The following DPY19L2 variants were observed in gnomAD, a reference collection of about 807,000 sequenced individuals.
The protein encoded by DPY19L2 is dpy-19 like 2, also known as probable C-mannosyltransferase DPY19L2.
Under a neutral mutation model 97.9 loss-of-function variants are expected in DPY19L2, and 34 were observed. The ratio of observed to expected loss-of-function variants is 0.35; its 90% CI spans 0.26 to 0.46. DPY19L2 has a LOEUF of 0.46. Ranked by LOEUF, DPY19L2 falls within the 20% of genes least tolerant of loss-of-function variation. The pLI is 1.00. For missense variants in DPY19L2, 623 were observed against 911.4 expected (o/e 0.68, Z 4.07); for synonymous variants, 230 against 307.9 (o/e 0.75, Z 2.65).
chr12:63,643,159 A>C (rs1892936020), intron 6 of DPY19L2, among the ~76,000 whole-genome samples: 1 of 151,876 alleles, frequency 6.6e-6, no homozygotes, highest in African/African-American at 2.4e-5. Context: ...GTATCCATAA[A>C]CTTTTAAAAT....
intron 10 of DPY19L2, 72 bp downstream of exon 10, chr12:63,618,079 C>G: frequency 3.0e-6 from 4 of 1,331,132 alleles, no homozygotes; most frequent in Non-Finnish European, 4.1e-6. Flanking sequence ...CCGTATAAAA[C>G]AGAATCACTT....
chr12:63,609,888 T>C (rs1886661832), intron 11 of DPY19L2, among the ~76,000 whole-genome samples: 1 of 152,100 alleles, frequency 6.6e-6, no homozygotes, highest in Non-Finnish European at 1.5e-5. Context: ...TGAGCCAGGA[T>C]TACTAAACTT....
At chr12:63,620,007 A>G in intron 9 of DPY19L2, 1 of 455,164 alleles carries the variant, frequency 2.2e-6, no homozygotes, top group Non-Finnish European at 4.4e-6. Context: ...GCACCAATTG[A>G]GCTGGGGTTA....
At chr12:63,649,867 T>TA (rs1565839511) in intron 4 of DPY19L2, among the ~76,000 whole-genome samples, 1 of 152,042 alleles carries the variant, frequency 6.6e-6, no homozygotes, top group East Asian at 1.9e-4. Flanking sequence ...AGCCACAATG[T>TA]AAAAAAGAAA....
chr12:63,579,712 T>C (rs937548692), intron 19 of DPY19L2, among the ~76,000 whole-genome samples: 27 of 151,986 alleles, frequency 1.8e-4, no homozygotes, highest in Non-Finnish European at 3.8e-4. Flanking sequence ...AAAAAGTCAG[T>C]TGGGGATTAC....
At chr12:63,626,836 T>C (rs1889632053) in intron 6 of DPY19L2, among the ~76,000 whole-genome samples, 2 of 152,208 alleles carry the variant, frequency 1.3e-5, no homozygotes, top group Non-Finnish European at 2.9e-5. Context: ...TGGAGTGCAG[T>C]GTCGAAATCT....
intron 14 of DPY19L2, among the ~76,000 whole-genome samples, chr12:63,596,732 G>A (rs1189398972): frequency 1.3e-5 from 2 of 152,010 alleles, no homozygotes. Context: ...ATTACACAAG[G>A]AATAATCAAT....
At chr12:63,610,593 T>C (rs1886775770) in intron 11 of DPY19L2, among the ~76,000 whole-genome samples, 6 of 151,136 alleles carry the variant, frequency 4.0e-5, no homozygotes. Flanking sequence ...AACAGATCTA[T>C]AACTAATAAG....
rs1883817124 is a variant in DPY19L2, at chr12:63,594,528, GTGTGTATGTGTGTA to G, written c.1534-409_1534-396del. On this transcript the variant is annotated intron_variant, in intron 15 of 21. Transcript: ENST00000324472. ...GCCGGCTACAGGGATTTGTGTGTGT[GTGTGTATGTGTGTA>G]TGTGTGTATGAAACCTGGCTAGCTG... Among the ~76,000 whole-genome samples the G allele has an allele frequency of 9.6e-5, 11 of 114,632 alleles. No individual in the cohort carries two copies. The Admixed American group carries it at 9.6e-4, about 10-fold the overall frequency. The allele number at this position is 114,632 out of a possible 152,430, so 75.2% of individuals were successfully genotyped here.
intron 19 of DPY19L2, among the ~76,000 whole-genome samples, chr12:63,579,742 C>T (rs1465148111): frequency 1.3e-5 from 2 of 152,120 alleles, no homozygotes; most frequent in African/African-American, 4.8e-5. Flanking sequence ...TCTAATTAAA[C>T]TGGCTTGGCA....
intron 16 of DPY19L2, among the ~76,000 whole-genome samples, chr12:63,589,677 A>AG (rs138568980): frequency 0.024 from 3,597 of 152,290 alleles, 73 homozygotes; most frequent in Middle Eastern, 0.061. Context: ...AAGTGTTCTA[A>AG]GCAACATATG....
chr12:63,626,133 G>A (rs1889499035), intron 7 of DPY19L2, among the ~76,000 whole-genome samples: 1 of 151,408 alleles, frequency 6.6e-6, no homozygotes, highest in Non-Finnish European at 1.5e-5. Context: ...CTTGTATGGT[G>A]AGGCTACCAC....
At chr12:63,650,485 A>G (rs1450778794) in intron 4 of DPY19L2, among the ~76,000 whole-genome samples, 1 of 152,196 alleles carries the variant, frequency 6.6e-6, no homozygotes, top group African/African-American at 2.4e-5. Context: ...TTCCGGATGT[A>G]AAATCAATGT....
chr12:63,665,476 A>AC (rs1324039389), intron 2 of DPY19L2, among the ~76,000 whole-genome samples: 3 of 151,932 alleles, frequency 2.0e-5, no homozygotes, highest in Non-Finnish European at 4.4e-5. Flanking sequence ...CTGTCTCAAA[A>AC]AAAAAAAAAA....
At chr12:63,577,298 A>T (rs1466237653) in intron 19 of DPY19L2, among the ~76,000 whole-genome samples, 1 of 152,128 alleles carries the variant, frequency 6.6e-6, no homozygotes, top group East Asian at 1.9e-4. Context: ...AATGGATTAA[A>T]GCCTTAAATC....
At position 63,663,845 on chromosome 12, in the gene DPY19L2, C is replaced by A; in HGVS notation, c.363G>T (p.Trp121Cys). ...TTTCAAAAAGTGTTACTAAATGTAA[C>A]CTAGAAAAAAATGAAGTATCATATT... ...GIAVFVAILHWLHLVTLFEND... is the reference protein window; with the variant it reads ...GIAVFVAILHCLHLVTLFEND... The change falls in exon 3 of 22, where the codon TGG becomes TGT. Residue 121 changes from tryptophan (W) to cysteine (C), a missense_variant and splice_region_variant. This residue lies in a region of DPY19L2 where 84 missense variants were observed against 125.4 expected (regional missense o/e 0.67). Transcript: ENST00000324472. The A allele has an allele frequency of 6.3e-7, 1 of 1,587,736 alleles. No homozygotes were observed. Among genetic ancestry groups the A allele is most frequent in the South Asian group, 1.2e-5 (1 of 85,146 alleles).
At chr12:63,591,021 T>A in intron 16 of DPY19L2, 1 of 455,104 alleles carries the variant, frequency 2.2e-6, no homozygotes. Flanking sequence ...TATTATCCAA[T>A]TAAATATCCC....
In DPY19L2 at chr12:63,662,212, GC is replaced by G. The variant is rs1895768047; in HGVS notation, c.451-732del. ...AAGAAATTCCCCAACACAATTTCTT[GC>G]TTTCACTCCTAAAATCTAAAAGCAA... On this transcript the variant is annotated intron_variant, in intron 3 of 21. Transcript: ENST00000324472. Among the ~76,000 whole-genome samples the G allele has an allele frequency of 1.3e-5, 2 of 152,074 alleles. 1 individual carries two copies. Among genetic ancestry groups the G allele is most frequent in the Admixed American group, 1.3e-4 (2 of 15,264 alleles).
intron 6 of DPY19L2, among the ~76,000 whole-genome samples, chr12:63,637,536 A>C (rs1308383125): frequency 3.3e-5 from 5 of 152,148 alleles, no homozygotes; most frequent in Non-Finnish European, 7.4e-5. Context: ...GGATATCACC[A>C]CCGATTACTC....
Sources: gnomAD v4.1 joint callset for allele counts (sites outside exome capture counted in the v4.1 genomes callset) on GRCh38, gnomAD v4.1.1 for gene constraint, gnomAD v4.1.1 regional missense constraint, MANE v1.5 for transcripts, NCBI Gene and HGNC (gene_info 2026-07-23, HGNC 2026-07-21) for gene names.